Variants in IRAK1BP1 observed in about 807,000 individuals in gnomAD.
IRAK1BP1 encodes the protein interleukin-1 receptor-associated kinase 1-binding protein 1.
A neutral mutation model predicts 28.0 loss-of-function variants in IRAK1BP1; 24 were observed. The observed-to-expected ratio is 0.86, with a 90% CI of 0.62 to 1.20. The LOEUF (loss-of-function observed/expected upper bound fraction) is 1.20. Ranked by LOEUF, IRAK1BP1 falls within the 50% of genes most tolerant of loss-of-function variation. The pLI is 0.00. For synonymous variants in IRAK1BP1, 131 were observed against 116.3 expected (o/e 1.13, Z -0.81); for missense variants, 336 against 316.7 (o/e 1.06, Z -0.46).
chr6:78,938,368 G>A (rs1205514414), intron 4 of IRAK1BP1: 2 of 151,358 alleles, frequency 1.3e-5, no homozygotes, highest in African/African-American at 2.4e-5. Flanking sequence ...CACATACACT[G>A]TACTAGAGGT....
intron 4 of IRAK1BP1, chr6:78,940,566 T>TTTTC (rs1773448434): frequency 5.1e-6 from 1 of 196,064 alleles, no homozygotes; most frequent in Non-Finnish European, 1.0e-5. Flanking sequence ...TTTTTTTTTT[T>TTTTC]TTTTTGCAAA....
chr6:78,869,141 A>G (rs769861291), intron 1 of IRAK1BP1, among the ~76,000 whole-genome samples: 2 of 152,242 alleles, frequency 1.3e-5, no homozygotes, highest in Non-Finnish European at 2.9e-5. Context: ...AAAAACTGCT[A>G]CTAGTGCTGT....
At chr6:78,965,848 T>C in the IRAK1BP1 span, 1 of 1,183,598 alleles carries the variant, frequency 8.4e-7, no homozygotes, top group Non-Finnish European at 1.2e-6. Context: ...AAATAATTGC[T>C]TCTGTGTTTA....
chr6:78,884,087 A>G (rs994827980), intron 1 of IRAK1BP1, among the ~76,000 whole-genome samples: 1 of 152,170 alleles, frequency 6.6e-6, no homozygotes, highest in Non-Finnish European at 1.5e-5. Flanking sequence ...ATGAGTAGGT[A>G]TTACTTTCAT....
intron 2 of IRAK1BP1, among the ~76,000 whole-genome samples, chr6:78,893,308 GTGTGTGTATATATATATA>G (rs1771737919): frequency 3.4e-5 from 3 of 87,798 alleles, no homozygotes; most frequent in African/African-American, 1.3e-4. Flanking sequence ...GTGTGTGTGT[GTGTGTGTATATATATATA>G]TATATATATA....
chr6:78,882,225 G>A (rs1771254969), intron 1 of IRAK1BP1, among the ~76,000 whole-genome samples: 1 of 152,094 alleles, frequency 6.6e-6, no homozygotes, highest in Non-Finnish European at 1.5e-5. Flanking sequence ...GCAACAGAAA[G>A]TAAGAAAGTG....
In IRAK1BP1 at chr6:78,867,591, G is replaced by C; in HGVS notation, c.15G>C (p.Lys5Asn). Reference sequence around the variant, plus strand: ...CTGCCATCGCTATGTCTCTGCAAAAGACCCCTCCGACCCGAGTGTTCGTGG... The same window carrying C: ...CTGCCATCGCTATGTCTCTGCAAAACACCCCTCCGACCCGAGTGTTCGTGG... MSLQ[K>N]TPPTRVFVEL... is the part of the protein sequence containing the mutation. Residue 5 changes from lysine to asparagine, a missense_variant, in exon 1 of 4, where the codon AAG becomes AAC. Lys to Asn is a moderately conservative substitution (Grantham distance 94). Coordinates refer to ENST00000369940, the MANE Select transcript of IRAK1BP1 (RefSeq NM_001010844.4). 1.2e-6 allele frequency: 2 copies of C among 1,613,848 alleles called. No homozygotes were observed. Among genetic ancestry groups the C allele is most frequent in the African/African-American group, 1.3e-5 (1 of 75,050 alleles).
chr6:78,951,892 A>T, the IRAK1BP1 span, among the ~76,000 whole-genome samples: 1 of 152,212 alleles, frequency 6.6e-6, no homozygotes, highest in Non-Finnish European at 1.5e-5. Flanking sequence ...ACAAATAAAT[A>T]GCTATAAATA....
intron 2 of IRAK1BP1, 23 bp from the exon 3 acceptor site, chr6:78,897,806 A>G: frequency 6.2e-7 from 1 of 1,602,534 alleles, no homozygotes; most frequent in Middle Eastern, 1.7e-4. Flanking sequence ...CATGAAAATA[A>G]TATCGTGTCA....
intron 4 of IRAK1BP1, chr6:78,935,753 G>T: frequency 1.0e-6 from 1 of 985,116 alleles, no homozygotes; most frequent in Non-Finnish European, 1.2e-6. Flanking sequence ...TTACATAATG[G>T]TATCTGCCAT....
intron 4 of IRAK1BP1, among the ~76,000 whole-genome samples, chr6:78,910,553 A>T (rs933976540): frequency 6.6e-6 from 1 of 152,256 alleles, no homozygotes; most frequent in Non-Finnish European, 1.5e-5. Flanking sequence ...AGGTCGTGCG[A>T]TAGCTACAAA....
intron 2 of IRAK1BP1, among the ~76,000 whole-genome samples, chr6:78,890,439 G>GA (rs1311540973): frequency 6.6e-6 from 1 of 150,408 alleles, no homozygotes; most frequent in Non-Finnish European, 1.5e-5. Flanking sequence ...TCCAAAAAGA[G>GA]AGCACAGAGT....
At chr6:78,954,157 G>A in the IRAK1BP1 span, among the ~76,000 whole-genome samples, 212 of 152,070 alleles carry the variant, frequency 1.4e-3, no homozygotes, top group African/African-American at 4.8e-3. Flanking sequence ...GCTGGAGTAC[G>A]GCAGTGGGAT....
the IRAK1BP1 span, among the ~76,000 whole-genome samples, chr6:78,967,380 C>T: frequency 6.6e-6 from 1 of 152,134 alleles, no homozygotes; most frequent in Non-Finnish European, 1.5e-5. Context: ...TATCTTATGA[C>T]CCTACACAGA....
intron 1 of IRAK1BP1, among the ~76,000 whole-genome samples, chr6:78,874,487 A>C (rs1428225357): frequency 6.6e-6 from 1 of 152,150 alleles, no homozygotes; most frequent in Middle Eastern, 3.2e-3. Context: ...AGTTCATTTG[A>C]TCCTTGTTAC....
At chr6:78,947,703 CAT>C, downstream of IRAK1BP1, 1 of 1,575,642 alleles carries the variant, frequency 6.3e-7, no homozygotes, top group Non-Finnish European at 8.7e-7. Context: ...ATTGGTGACT[CAT>C]AATTCCCAGC....
At chr6:78,926,498 G>A (rs759209163) in intron 4 of IRAK1BP1, among the ~76,000 whole-genome samples, 4 of 152,100 alleles carry the variant, frequency 2.6e-5, no homozygotes, top group Non-Finnish European at 4.4e-5. Flanking sequence ...ATCACATCAT[G>A]TAAAATGGGG....
chr6:78,922,466 C>T (rs947770148), intron 4 of IRAK1BP1, among the ~76,000 whole-genome samples: 1 of 152,114 alleles, frequency 6.6e-6, no homozygotes, highest in Non-Finnish European at 1.5e-5. Context: ...CTGAAAGTCA[C>T]GGGGAGAATG....
chr6:78,921,684 A>G (rs1291325223), intron 4 of IRAK1BP1, among the ~76,000 whole-genome samples: 1 of 152,206 alleles, frequency 6.6e-6, no homozygotes, highest in East Asian at 1.9e-4. Context: ...CAGTAGGGGC[A>G]GACTGACACC....
Sources: allele counts gnomAD v4.1 joint callset (sites outside exome capture counted in the v4.1 genomes callset), GRCh38; gene constraint gnomAD v4.1.1; transcripts MANE v1.5; gene names NCBI Gene and HGNC (gene_info 2026-07-23, HGNC 2026-07-21).